The following BTRC variants were observed in gnomAD, a reference collection of about 807,000 sequenced individuals.
The protein encoded by BTRC is F-box/WD repeat-containing protein 1A.
In BTRC, 42 loss-of-function variants were observed where a neutral mutation model predicts 85.5. The ratio of observed to expected loss-of-function variants is 0.49; its 90% confidence interval spans 0.38 to 0.64. The LOEUF (loss-of-function observed/expected upper bound fraction) is 0.64, where lower values mean the gene tolerates loss of function less well. Ranked by LOEUF, BTRC falls within the 30% of genes least tolerant of loss-of-function variation. BTRC has a pLI of 0.00. For missense variants in BTRC, 594 were observed against 743.5 expected, an observed-to-expected ratio of 0.80 and a Z score of 2.34; for synonymous variants, 255 against 263.3, an observed-to-expected ratio of 0.97 and a Z score of 0.30.
chr10:101,366,153 G>T (rs2134501423), intron 1 of BTRC, among the ~76,000 whole-genome samples: 1 of 152,192 alleles, frequency 6.6e-6, no homozygotes, highest in East Asian at 1.9e-4. Flanking sequence ...CCTAAATTGT[G>T]CTGGAGTACC....
At chr10:101,392,942 T>C (rs1231168758) in intron 1 of BTRC, among the ~76,000 whole-genome samples, 1 of 152,142 alleles carries the variant, frequency 6.6e-6, no homozygotes. Flanking sequence ...TAATGTTGGG[T>C]GTGTTAGGCC....
intron 5 of BTRC, among the ~76,000 whole-genome samples, chr10:101,524,558 A>G (rs1411059460): frequency 6.6e-6 from 1 of 152,200 alleles, no homozygotes; most frequent in Non-Finnish European, 1.5e-5. Flanking sequence ...TAGTCCATTA[A>G]TGTAATGGGT....
intron 10 of BTRC, 86 bp downstream of exon 10, chr10:101,534,996 C>A: frequency 6.9e-7 from 1 of 1,441,306 alleles, no homozygotes; most frequent in Non-Finnish European, 9.6e-7. Context: ...CATATTTAAA[C>A]GTTGCTACAG....
At chr10:101,455,982 A>AC (rs879344982) in intron 2 of BTRC, among the ~76,000 whole-genome samples, 2,590 of 139,660 alleles carry the variant, frequency 0.019, 30 homozygotes, top group Non-Finnish European at 0.029. Context: ...TCTCTACTAA[A>AC]AACACACACA....
intron 1 of BTRC, among the ~76,000 whole-genome samples, chr10:101,388,078 A>G (rs1233212127): frequency 6.6e-6 from 1 of 152,234 alleles, no homozygotes; most frequent in Non-Finnish European, 1.5e-5. Flanking sequence ...GATTCAGGTT[A>G]GTTGATTCTT....
At chr10:101,467,037 CAA>C (rs1945390923) in intron 3 of BTRC, among the ~76,000 whole-genome samples, 2 of 152,026 alleles carry the variant, frequency 1.3e-5, no homozygotes, top group African/African-American at 4.8e-5. Context: ...TGTGTATTAA[CAA>C]AACAACCACA....
At chr10:101,408,718 T>C (rs904796324) in intron 1 of BTRC, among the ~76,000 whole-genome samples, 3 of 152,188 alleles carry the variant, frequency 2.0e-5, no homozygotes, top group African/African-American at 7.2e-5. Flanking sequence ...TGTTTTGTTT[T>C]AATGATTGCT....
chr10:101,549,581 G>C (rs1293298855), intron 13 of BTRC, among the ~76,000 whole-genome samples: 1 of 151,636 alleles, frequency 6.6e-6, no homozygotes, highest in African/African-American at 2.4e-5. Flanking sequence ...AGGTGTGGTG[G>C]CAGGCGCCTG....
intron 1 of BTRC, among the ~76,000 whole-genome samples, chr10:101,410,996 CTTT>C (rs11356520): frequency 4.1e-5 from 5 of 122,446 alleles, no homozygotes; most frequent in African/African-American, 9.9e-5. Flanking sequence ...ATTTCTGGCA[CTTT>C]TTTTTTTTTT....
chr10:101,460,067 GGTTTA>G (rs532997089), intron 2 of BTRC, among the ~76,000 whole-genome samples: 90 of 152,110 alleles, frequency 5.9e-4, no homozygotes, highest in African/African-American at 2.0e-3. Context: ...GAATTAAACA[GGTTTA>G]GTTTATCTGA....
At chr10:101,535,135 C>T (rs992863310) in intron 10 of BTRC, among the ~76,000 whole-genome samples, 1 of 152,048 alleles carries the variant, frequency 6.6e-6, no homozygotes, top group Non-Finnish European at 1.5e-5. Flanking sequence ...GAGACTAACC[C>T]TAGAAGAGTA....
chr10:101,378,373 T>C (rs1218527189), intron 1 of BTRC, among the ~76,000 whole-genome samples: 1 of 152,206 alleles, frequency 6.6e-6, no homozygotes, highest in Non-Finnish European at 1.5e-5. Flanking sequence ...GGTATGTTAC[T>C]CCCATTTTAT....
At chr10:101,517,624 A>G (rs1363420577) in intron 4 of BTRC, among the ~76,000 whole-genome samples, 1 of 152,192 alleles carries the variant, frequency 6.6e-6, no homozygotes, top group African/African-American at 2.4e-5. Flanking sequence ...ATTACTTTGA[A>G]AAGTACCCAG....
intron 4 of BTRC, among the ~76,000 whole-genome samples, chr10:101,499,054 A>G (rs1176609185): frequency 1.3e-5 from 2 of 152,130 alleles, no homozygotes; most frequent in Admixed American, 6.5e-5. Context: ...TACATGCTAG[A>G]TCCTGTTCCA....
intron 4 of BTRC, among the ~76,000 whole-genome samples, chr10:101,487,780 T>C (rs1477032384): frequency 1.3e-5 from 2 of 151,572 alleles, no homozygotes; most frequent in African/African-American, 4.9e-5. Flanking sequence ...TTAGCAAGAG[T>C]GGAAACAGAG....
chr10:101,535,223 T>C, intron 10 of BTRC, 131 bp from the exon 11 acceptor site: 1 of 790,658 alleles, frequency 1.3e-6, no homozygotes, highest in East Asian at 2.4e-5. Flanking sequence ...AATTGTCCTT[T>C]GTTTTATTTG....
chr10:101,446,255 G>A (rs997347204), intron 2 of BTRC, among the ~76,000 whole-genome samples: 1 of 152,016 alleles, frequency 6.6e-6, no homozygotes, highest in African/African-American at 2.4e-5. Flanking sequence ...AATCCTACTA[G>A]CCTCTAAGGT....
At chr10:101,359,603 T>A (rs1474673725) in intron 1 of BTRC, among the ~76,000 whole-genome samples, 1 of 133,030 alleles carries the variant, frequency 7.5e-6, no homozygotes, top group East Asian at 2.0e-4. Flanking sequence ...AATTTTGTTG[T>A]ATTTTTTTTT....
At chr10:101,513,021 T>C (rs4919550) in intron 4 of BTRC, among the ~76,000 whole-genome samples, 146,126 of 152,254 alleles carry the variant, frequency 0.96, 70,392 homozygotes, top group East Asian at 1. Context: ...ATTATATCTC[T>C]CATACACTCT....
Sources: gnomAD v4.1 joint callset for allele counts (sites outside exome capture counted in the v4.1 genomes callset) on GRCh38, gnomAD v4.1.1 for gene constraint, MANE v1.5 for transcripts, NCBI Gene and HGNC (gene_info 2026-07-23, HGNC 2026-07-21) for gene names.